The following CFAP54 variants were observed in gnomAD, a reference collection of about 807,000 sequenced individuals.
The protein encoded by CFAP54 is cilia and flagella associated protein 54.
In CFAP54, 290 loss-of-function variants were observed where a neutral mutation model predicts 370.4. The ratio of observed to expected loss-of-function variants is 0.78; its 90% CI spans 0.71 to 0.86. CFAP54 has a LOEUF of 0.86. Among genes scored for constraint, CFAP54 ranks in the 40% least tolerant of loss-of-function variants. CFAP54 has a pLI of 0.00. For synonymous variants in CFAP54, 1,206 were observed against 1,236.5 expected (o/e 0.98, Z 0.52); for missense variants, 3,399 against 3,528.7 (o/e 0.96, Z 0.93).
intron 30 of CFAP54, among the ~76,000 whole-genome samples, chr12:96,627,557 C>T (rs1357387089): frequency 6.6e-6 from 1 of 152,134 alleles, no homozygotes; most frequent in Non-Finnish European, 1.5e-5. Context: ...TAAACAGTAA[C>T]ATGAAACCTG....
intron 26 of CFAP54, among the ~76,000 whole-genome samples, chr12:96,604,585 A>T (rs1037811421): frequency 6.6e-6 from 1 of 152,226 alleles, no homozygotes; most frequent in African/African-American, 2.4e-5. Flanking sequence ...GAGAGGCAGT[A>T]GGCCTTGCTG....
In CFAP54 at chr12:96,556,241, A is replaced by G. The variant is rs1592849541; in HGVS notation, c.2410+1439A>G. 2.6e-5 allele frequency among the ~76,000 whole-genome samples: 4 copies of G among 152,040 alleles called. No homozygotes were observed. In the East Asian group the frequency reaches 7.7e-4, roughly 29 times the overall value. On this transcript the variant is annotated intron_variant, in intron 17 of 67. Coordinates refer to ENST00000524981, the MANE Select transcript of CFAP54 (RefSeq NM_001306084.2). ...TTCAAAAAGTGCTGATCCTAAAAGA[A>G]AAAAATGAATACATTAATACATTTG...
At chr12:96,842,830 C>T (rs1348971801) in intron 66 of CFAP54, among the ~76,000 whole-genome samples, 1 of 152,050 alleles carries the variant, frequency 6.6e-6, no homozygotes, top group Non-Finnish European at 1.5e-5. Flanking sequence ...TATTAACTGA[C>T]AAAGGCTAAT....
intron 67 of CFAP54, among the ~76,000 whole-genome samples, chr12:96,862,508 A>C (rs1959901925): frequency 6.6e-6 from 1 of 152,172 alleles, no homozygotes; most frequent in South Asian, 2.1e-4. Flanking sequence ...CGCATTTAAT[A>C]AATATTGGAA....
chr12:96,639,769 T>C (rs2136486122), intron 32 of CFAP54, among the ~76,000 whole-genome samples: 1 of 152,260 alleles, frequency 6.6e-6, no homozygotes, highest in Admixed American at 6.5e-5. Flanking sequence ...GCAAGGCTGG[T>C]TCAACATATG....
At chr12:96,569,513 GA>G (rs1181251856) in intron 19 of CFAP54, among the ~76,000 whole-genome samples, 1 of 152,154 alleles carries the variant, frequency 6.6e-6, no homozygotes, top group East Asian at 1.9e-4. Context: ...GTGTTTCGTA[GA>G]CCCTCCTTCC....
At position 96,621,875 on chromosome 12, in the gene CFAP54, G is replaced by GTTTTTTTTT. The variant is rs71068819; in HGVS notation, c.3771+178_3771+186dup. 2.4e-3 allele frequency among the ~76,000 whole-genome samples: 121 copies of GTTTTTTTTT among 50,032 alleles called. 18 individuals carry two copies. Among genetic ancestry groups the GTTTTTTTTT allele is most frequent in the East Asian group, 0.018 (21 of 1,184 alleles). 32.8% of individuals were successfully genotyped at this position (50,032 alleles called of 152,430 possible). On this transcript the variant is annotated intron_variant, in intron 27 of 67. Transcript: ENST00000524981. Reference sequence around the variant, plus strand: ...ATTATAGTAAAGAGCTTTTGGGTTTGTTTTTTTTTTTTTTTTTTTTTTTTT... The same window carrying GTTTTTTTTT: ...ATTATAGTAAAGAGCTTTTGGGTTTGTTTTTTTTTTTTTTTTTTTTTTTTTTTTTTTTTT...
intron 36 of CFAP54, among the ~76,000 whole-genome samples, chr12:96,657,587 A>T (rs1956936052): frequency 6.6e-6 from 1 of 152,190 alleles, no homozygotes; most frequent in African/African-American, 2.4e-5. Flanking sequence ...AATTAAACGA[A>T]ATTAAAAATT....
At chr12:96,734,261 C>A (rs1957955895) in intron 50 of CFAP54, among the ~76,000 whole-genome samples, 2 of 152,084 alleles carry the variant, frequency 1.3e-5, no homozygotes, top group African/African-American at 4.8e-5. Context: ...CCTCTCCTGG[C>A]CAATTCAATA....
rs777352594 is a variant in CFAP54, at chr12:96,771,427, C to T, written c.8281+6209C>T. The stretch of plus-strand genomic sequence containing the variant: ...CAGCACTTTGGGAGGCCAAGGCGGG[C>T]GGTTCACGAGGTCAGGAGATGGAGA... On this transcript the variant is annotated intron_variant, in intron 60 of 67. Transcript: ENST00000524981. Among the ~76,000 whole-genome samples, 184 of 152,204 alleles carry T rather than the reference C, an allele frequency of 1.2e-3. 2 individuals carry two copies. The highest frequency in any genetic ancestry group is 6.8e-4 in the Non-Finnish European group (46 of 67,998).
At chr12:96,647,852 A>G in intron 33 of CFAP54, 23 bp from the exon 34 acceptor site, 1 of 1,480,376 alleles carries the variant, frequency 6.8e-7, no homozygotes, top group African/African-American at 1.4e-5. Flanking sequence ...TTGTTTTTTA[A>G]TATGATTTTT....
chr12:96,863,627 G>A (rs1056880520), intron 67 of CFAP54, among the ~76,000 whole-genome samples: 4 of 152,100 alleles, frequency 2.6e-5, no homozygotes, highest in Non-Finnish European at 4.4e-5. Flanking sequence ...CTAAAACTGG[G>A]ACACCTGTCA....
intron 11 of CFAP54, 87 bp downstream of exon 11, chr12:96,534,314 G>A (rs770968879): frequency 2.4e-5 from 19 of 800,088 alleles, no homozygotes; most frequent in Middle Eastern, 3.4e-4. Context: ...TGTTGAAGGC[G>A]GAGGGAGCAA....
chr12:96,636,631 T>C (rs1301281585), intron 32 of CFAP54, among the ~76,000 whole-genome samples: 1 of 152,222 alleles, frequency 6.6e-6, no homozygotes, highest in African/African-American at 2.4e-5. Context: ...CCTTTGCTTT[T>C]ATGTTTATTA....
chr12:96,841,502 A>C (rs886687781), intron 66 of CFAP54, among the ~76,000 whole-genome samples: 1 of 152,220 alleles, frequency 6.6e-6, no homozygotes, highest in Non-Finnish European at 1.5e-5. Context: ...AAACCTTTGG[A>C]AAGTCTCCTG....
intron 22 of CFAP54, 57 bp downstream of exon 22, chr12:96,581,162 A>G (rs1041574098): frequency 1.3e-5 from 15 of 1,190,590 alleles, no homozygotes; most frequent in Non-Finnish European, 1.5e-5. Context: ...TTAAGCAGTT[A>G]TGAAGTAATT....
At chr12:96,815,396 GGGTT>G (rs1277506726) in intron 64 of CFAP54, among the ~76,000 whole-genome samples, 1 of 120,926 alleles carries the variant, frequency 8.3e-6, no homozygotes, top group African/African-American at 3.3e-5. Context: ...CTCTTTGATG[GGGTT>G]GTTTGTTTTT....
At chr12:96,571,986 A>T (rs564067705) in intron 19 of CFAP54, among the ~76,000 whole-genome samples, 6 of 152,190 alleles carry the variant, frequency 3.9e-5, no homozygotes, top group Non-Finnish European at 7.4e-5. Flanking sequence ...ACTTCTGTTA[A>T]CCTATTTCAA....
chr12:96,652,838 T>C (rs1256551908), intron 36 of CFAP54, among the ~76,000 whole-genome samples: 1 of 152,198 alleles, frequency 6.6e-6, no homozygotes, highest in Non-Finnish European at 1.5e-5. Flanking sequence ...AAAAAGCCGA[T>C]GAGTCTATAT....
Sources: allele counts gnomAD v4.1 joint callset (sites outside exome capture counted in the v4.1 genomes callset), GRCh38; gene constraint gnomAD v4.1.1; transcripts MANE v1.5; gene names NCBI Gene and HGNC (gene_info 2026-07-23, HGNC 2026-07-21).